The following PRR5L variants were observed in gnomAD, a reference collection of about 807,000 sequenced individuals.
The protein encoded by PRR5L is proline rich 5 like, also known as proline-rich protein 5-like.
In PRR5L, 21 loss-of-function variants were observed where a neutral mutation model predicts 36.4. That is an observed-to-expected ratio of 0.58 (90% CI 0.41 to 0.83). The LOEUF is 0.83. Ranked by LOEUF, PRR5L falls within the 40% of genes least tolerant of loss-of-function variation. The pLI, the probability that PRR5L is intolerant of heterozygous loss-of-function variation, is 0.00. For missense variants in PRR5L, 381 were observed against 473.3 expected (o/e 0.80, Z 1.81); for synonymous variants, 188 against 197.0 (o/e 0.95, Z 0.38).
chr11:36,326,718 G>T (rs947047586), intron 1 of PRR5L, among the ~76,000 whole-genome samples: 1 of 147,908 alleles, frequency 6.8e-6, no homozygotes, highest in Non-Finnish European at 1.5e-5. Context: ...GAGCTAGCTG[G>T]CAGAGGCTCC....
intron 1 of PRR5L, among the ~76,000 whole-genome samples, chr11:36,350,388 G>C (rs935537060): frequency 2.0e-5 from 3 of 151,766 alleles, no homozygotes; most frequent in African/African-American, 7.3e-5. Context: ...TGAAGAATAA[G>C]AGGGAGTGAA....
intron 1 of PRR5L, among the ~76,000 whole-genome samples, chr11:36,392,105 A>G (rs1270557259): frequency 6.6e-6 from 1 of 152,192 alleles, no homozygotes; most frequent in Non-Finnish European, 1.5e-5. Flanking sequence ...ACTTAACATA[A>G]TGATATCCAG....
At chr11:36,461,388 TGAGGCGGG>T (rs1859176138) in intron 8 of PRR5L, among the ~76,000 whole-genome samples, 2 of 152,142 alleles carry the variant, frequency 1.3e-5, no homozygotes, top group Non-Finnish European at 2.9e-5. Flanking sequence ...TTTGGGAGGC[TGAGGCGGG>T]TGGATCACCT....
At chr11:36,376,484 G>A in intron 1 of PRR5L, 1 of 1,090,734 alleles carries the variant, frequency 9.2e-7, no homozygotes, top group Non-Finnish European at 1.1e-6. Flanking sequence ...GGCTGGACGG[G>A]ACCCCATCTG....
At chr11:36,431,771 T>G in intron 4 of PRR5L, 82 bp from the exon 5 acceptor site, 1 of 1,282,772 alleles carries the variant, frequency 7.8e-7, no homozygotes, top group Non-Finnish European at 1.1e-6. Flanking sequence ...TCTGTGCCCT[T>G]GCCCACTGGA....
chr11:36,334,364 CT>C (rs78027426), intron 1 of PRR5L, among the ~76,000 whole-genome samples: 1 of 152,204 alleles, frequency 6.6e-6, no homozygotes, highest in East Asian at 1.9e-4. Flanking sequence ...TCTTCTGTGG[CT>C]TTCCACTGGT....
chr11:36,409,096 T>C (rs1159708167), intron 3 of PRR5L, among the ~76,000 whole-genome samples: 2 of 152,098 alleles, frequency 1.3e-5, no homozygotes, highest in Non-Finnish European at 2.9e-5. Flanking sequence ...TCTGGAGTGC[T>C]GGGGGCATGT....
intron 1 of PRR5L, among the ~76,000 whole-genome samples, chr11:36,306,703 G>A (rs1243278075): frequency 6.6e-6 from 1 of 152,114 alleles, no homozygotes; most frequent in African/African-American, 2.4e-5. Context: ...CCAAGAAGCA[G>A]TGCATGAGGA....
At position 36,456,981 on chromosome 11, in the gene PRR5L, C is replaced by A. The variant is rs181206318; in HGVS notation, c.713-5361C>A. ...TGGTCTCCTCCTCCAGGGCAGCCCC[C>A]CTCTGGCTCCAGCTCTTGGCCTGTG... On this transcript the variant is annotated intron_variant, in intron 8 of 8. Coordinates refer to ENST00000530639, the MANE Select transcript of PRR5L (RefSeq NM_001160167.2). Among the ~76,000 whole-genome samples, 25 of 152,336 alleles carry A rather than the reference C, an allele frequency of 1.6e-4. No homozygotes were observed. In the East Asian group the frequency reaches 3.7e-3, roughly 22 times the overall value.
At chr11:36,408,468 A>G (rs1857955758) in intron 3 of PRR5L, among the ~76,000 whole-genome samples, 1 of 152,214 alleles carries the variant, frequency 6.6e-6, no homozygotes, top group Non-Finnish European at 1.5e-5. Flanking sequence ...ACCTTTCAGA[A>G]TAGACGTATT....
chr11:36,351,909 A>G (rs1242636466), intron 1 of PRR5L, among the ~76,000 whole-genome samples: 3 of 150,702 alleles, frequency 2.0e-5, no homozygotes, highest in Non-Finnish European at 2.9e-5. Context: ...TCTTTTTTGT[A>G]TAATGACTTA....
Position 36,377,262 on chromosome 11 carries a change from A to T in PRR5L, c.-125-23735A>T, listed in dbSNP as rs1010397403. On this transcript the variant is annotated intron_variant, in intron 1 of 8. Transcript: ENST00000530639. This position sits in a 1 kb window ranked among gnomAD's most constrained non-coding sequence, Gnocchi z 5.1. ...GCTGCTGCACGCGCGCGCTCTGCGG[A>T]CTAGGGTGGGCCAGGGCCCAGCCAG... Among the ~76,000 whole-genome samples the T allele has an allele frequency of 5.9e-5, 9 of 152,128 alleles. No individual in the cohort carries two copies. Among genetic ancestry groups the T allele is most frequent in the African/African-American group, 1.2e-4 (5 of 41,446 alleles).
chr11:36,389,062 T>C (rs886668271), intron 1 of PRR5L, among the ~76,000 whole-genome samples: 2 of 152,226 alleles, frequency 1.3e-5, no homozygotes, highest in African/African-American at 4.8e-5. Flanking sequence ...AGTTTACATA[T>C]GGCCAGTTCC....
At chr11:36,310,976 C>T (rs1019805079) in intron 1 of PRR5L, among the ~76,000 whole-genome samples, 1 of 118,862 alleles carries the variant, frequency 8.4e-6, no homozygotes, top group East Asian at 2.4e-4. Flanking sequence ...TGCCTGGTGA[C>T]AGAGTGAGAC....
intron 1 of PRR5L, among the ~76,000 whole-genome samples, chr11:36,354,274 A>G (rs192612813): frequency 5.5e-4 from 84 of 152,356 alleles, no homozygotes; most frequent in South Asian, 1.5e-3. Context: ...GTAAACATGG[A>G]ACAAACCTAT....
chr11:36,347,350 A>C (rs2133485152), intron 1 of PRR5L, among the ~76,000 whole-genome samples: 1 of 152,270 alleles, frequency 6.6e-6, no homozygotes, highest in African/African-American at 2.4e-5. Context: ...ATTTTGATTG[A>C]CCACAAGCTT....
chr11:36,378,880 C>T (rs1186320764), intron 1 of PRR5L, among the ~76,000 whole-genome samples: 2 of 152,174 alleles, frequency 1.3e-5, no homozygotes, highest in Non-Finnish European at 2.9e-5. Context: ...TTGTCTAAAG[C>T]CATACACACA....
intron 1 of PRR5L, among the ~76,000 whole-genome samples, chr11:36,378,956 C>T (rs1363869083): frequency 1.3e-5 from 2 of 152,192 alleles, no homozygotes; most frequent in African/African-American, 4.8e-5. Context: ...ATGTCTTTCC[C>T]TTCAATTCTC....
Position 36,401,104 on chromosome 11 carries a change from G to A in PRR5L, c.-18G>A. On this transcript the variant is annotated 5_prime_UTR_variant, in exon 2 of 9. Coordinates refer to ENST00000530639, the MANE Select transcript of PRR5L (RefSeq NM_001160167.2). ...ACCTTCTGGTCCTAGAGGTGAAGCT[G>A]AACTGTCACCAGGACTTATGACCCG... The A allele has an allele frequency of 3.1e-6, 5 of 1,613,510 alleles. No homozygotes were observed. Among genetic ancestry groups the A allele is most frequent in the Non-Finnish European group, 4.2e-6 (5 of 1,179,624 alleles).
Sources: gnomAD v4.1 joint callset for allele counts (sites outside exome capture counted in the v4.1 genomes callset) on GRCh38, gnomAD v4.1.1 for gene constraint, Gnocchi (gnomAD v3.1) non-coding constraint, MANE v1.5 for transcripts, NCBI Gene and HGNC (gene_info 2026-07-23, HGNC 2026-07-21) for gene names.